PC: variants seen among roughly 807,000 people sequenced by gnomAD.
The protein encoded by PC is pyruvate carboxylase, mitochondrial.
In PC, 46 loss-of-function variants were observed where a neutral mutation model predicts 107.8. That is an observed-to-expected ratio of 0.43 (90% CI 0.34 to 0.55). The LOEUF (loss-of-function observed/expected upper bound fraction) is 0.55. Ranked by LOEUF, PC falls within the 20% of genes least tolerant of loss-of-function variation. The pLI is 0.04. For synonymous variants in PC, 662 were observed against 684.7 expected, an observed-to-expected ratio of 0.97 and a Z score of 0.52; for missense variants, 1,241 against 1,643.1, an observed-to-expected ratio of 0.76 and a Z score of 4.23.
At position 66,858,114 on chromosome 11, in the gene PC, C is replaced by T. The variant is rs758854756; in HGVS notation, c.1369-4731G>A. On this transcript the variant is annotated intron_variant, in intron 12 of 22. Coordinates refer to ENST00000393960, the MANE Select transcript of PC (RefSeq NM_001040716.2). This position sits in a 1 kb window ranked among gnomAD's most constrained non-coding sequence, Gnocchi z 5.9. ...CCTCCGGGGCCCCGTCAATCTGCAG[C>T]ACCTCATCCTCAGCGGCAACCAGCT... The T allele has an allele frequency of 6.2e-7, 1 of 1,610,552 alleles. No homozygotes were observed. Among genetic ancestry groups the T allele is most frequent in the South Asian group, 1.1e-5 (1 of 91,042 alleles).
chr11:66,861,644 A>C, intron 12 of PC, among the ~76,000 whole-genome samples: 1 of 36,772 alleles, frequency 2.7e-5, no homozygotes. Context: ...GGCGCGGGAC[A>C]GGGTGGGTGG....
At chr11:66,948,206 T>TAA (rs905189971) in intron 3 of PC, among the ~76,000 whole-genome samples, 18 of 137,230 alleles carry the variant, frequency 1.3e-4, no homozygotes, top group African/African-American at 4.3e-4. Flanking sequence ...GACTCTGTCT[T>TAA]AAAAAAAAAA....
chr11:66,905,186 A>G (rs889289950), intron 3 of PC, among the ~76,000 whole-genome samples: 2 of 152,262 alleles, frequency 1.3e-5, no homozygotes, highest in African/African-American at 2.4e-5. Flanking sequence ...CAGCCAACAT[A>G]TAACAAACAC....
At chr11:66,927,378 G>A (rs1948741399) in intron 3 of PC, among the ~76,000 whole-genome samples, 1 of 150,404 alleles carries the variant, frequency 6.6e-6, no homozygotes, top group Non-Finnish European at 1.5e-5. Flanking sequence ...ACACACAGCA[G>A]CCCAGGAATG....
At chr11:66,867,450 C>T (rs181684924) in intron 10 of PC, among the ~76,000 whole-genome samples, 1 of 152,274 alleles carries the variant, frequency 6.6e-6, no homozygotes, top group Non-Finnish European at 1.5e-5. Context: ...CAGCCTGGAA[C>T]CTACACTGGC....
intron 3 of PC, among the ~76,000 whole-genome samples, chr11:66,938,004 T>C (rs1961864): frequency 0.47 from 71,870 of 151,786 alleles, 17,392 homozygotes; most frequent in African/African-American, 0.54. Context: ...TCTCGATCTC[T>C]CGACCTCGTG....
chr11:66,942,215 G>A (rs1046737209), intron 3 of PC, among the ~76,000 whole-genome samples: 24 of 151,244 alleles, frequency 1.6e-4, no homozygotes, highest in Admixed American at 1.5e-3. Context: ...TGGCTAACAC[G>A]GTGAAACCCC....
chr11:66,935,826 T>C (rs1948986068), intron 3 of PC, among the ~76,000 whole-genome samples: 1 of 152,106 alleles, frequency 6.6e-6, no homozygotes, highest in Admixed American at 6.6e-5. Context: ...CTGTAGCTCA[T>C]GCCTGTAATC....
chr11:66,955,066 G>A (rs1052690278), intron 1 of PC, among the ~76,000 whole-genome samples: 8 of 152,136 alleles, frequency 5.3e-5, no homozygotes, highest in African/African-American at 1.9e-4. Context: ...GGCCATCCCT[G>A]CCACCTCCAA....
chr11:66,851,742 C>G, intron 16 of PC, 48 bp downstream of exon 16: 3 of 1,601,408 alleles, frequency 1.9e-6, no homozygotes, highest in Admixed American at 3.3e-5. Context: ...GGCTCGGTAC[C>G]CTCTGGGCCA....
intron 10 of PC, among the ~76,000 whole-genome samples, chr11:66,868,420 C>T (rs1946588918): frequency 6.6e-6 from 1 of 152,222 alleles, no homozygotes; most frequent in Admixed American, 6.5e-5. Context: ...TATAAAACAT[C>T]TCTATTGCAT....
At chr11:66,856,358 G>A (rs1945826101) in intron 12 of PC, among the ~76,000 whole-genome samples, 3 of 151,348 alleles carry the variant, frequency 2.0e-5, no homozygotes, top group East Asian at 3.9e-4. Flanking sequence ...CCTGGCCCGC[G>A]GGGCGGGCGG....
At chr11:66,908,438 G>A (rs562047732) in intron 3 of PC, among the ~76,000 whole-genome samples, 4 of 152,234 alleles carry the variant, frequency 2.6e-5, no homozygotes, top group African/African-American at 9.6e-5. Context: ...TCAGCAAGCA[G>A]ATGTTCACAT....
chr11:66,868,866 C>A lies in PC; in HGVS notation c.1002G>T (p.Thr334=). The change falls in exon 10 of 23, where the codon ACG becomes ACT. Residue 334 remains threonine, a synonymous_variant. Coordinates refer to ENST00000393960, the MANE Select transcript of PC (RefSeq NM_001040716.2). ...EVNSRLQVEH[T]VTEEITDVDL... ...CTCACTCGGTGATCTCCTCTGTGAC[C>A]GTGTGCTCCACCTGCAGGCGGGAGT... 6.2e-7 allele frequency: 1 copy of A among 1,613,264 alleles called. No homozygotes were observed. The highest frequency in any genetic ancestry group is 8.5e-7 in the Non-Finnish European group (1 of 1,179,500).
At chr11:66,922,655 C>T (rs1430471045) in intron 3 of PC, among the ~76,000 whole-genome samples, 1 of 151,730 alleles carries the variant, frequency 6.6e-6, no homozygotes, top group Non-Finnish European at 1.5e-5. Flanking sequence ...GGATAAGTAC[C>T]TGGTCTTCCT....
chr11:66,936,940 A>G (rs1292246392), intron 3 of PC, among the ~76,000 whole-genome samples: 1 of 152,116 alleles, frequency 6.6e-6, no homozygotes, highest in Non-Finnish European at 1.5e-5. Flanking sequence ...CCCAAGTTCA[A>G]GCAACGATTC....
chr11:66,901,294 G>A (rs1006265499), intron 3 of PC, among the ~76,000 whole-genome samples: 4 of 152,100 alleles, frequency 2.6e-5, no homozygotes, highest in African/African-American at 2.4e-5. Context: ...AGGCACAGGC[G>A]GGAGACAAGG....
At position 66,848,474 on chromosome 11, in the gene PC, C is replaced by A. The variant is rs1455796896; in HGVS notation, c.*425G>T. 2 of 544,670 alleles carry A rather than the reference C, an allele frequency of 3.7e-6. No individual in the cohort carries two copies. The highest frequency in any genetic ancestry group is 6.4e-6 in the Non-Finnish European group (2 of 310,360). 33.7% of individuals were successfully genotyped at this position (544,670 alleles called of 1,614,324 possible). ...CCCATGGGGAGCTTGAAAGGCAGCCCCCCACTGCTGAGTGGTGCAGGCTGG... is the reference window on the plus strand; with the variant it reads ...CCCATGGGGAGCTTGAAAGGCAGCCACCCACTGCTGAGTGGTGCAGGCTGG... On this transcript the variant is annotated 3_prime_UTR_variant, in exon 23 of 23. Coordinates refer to ENST00000393960, the MANE Select transcript of PC (RefSeq NM_001040716.2).
intron 3 of PC, among the ~76,000 whole-genome samples, chr11:66,924,391 T>TAAAAAAAAAAAAAAA (rs1948667178): frequency 1.6e-5 from 1 of 63,432 alleles, no homozygotes; most frequent in Non-Finnish European, 3.6e-5. Context: ...AAAAAAAAAT[T>TAAAAAAAAAAAAAAA]AGCTAGGCAT....
Sources: gnomAD v4.1 joint callset for allele counts (sites outside exome capture counted in the v4.1 genomes callset) on GRCh38, gnomAD v4.1.1 for gene constraint, Gnocchi (gnomAD v3.1) non-coding constraint, MANE v1.5 for transcripts, NCBI Gene and HGNC (gene_info 2026-07-23, HGNC 2026-07-21) for gene names.